Variants in NCALD observed in about 807,000 individuals in gnomAD.
The protein encoded by NCALD is neurocalcin-delta.
A neutral mutation model predicts 18.6 loss-of-function variants in NCALD; 10 were observed. The ratio of observed to expected loss-of-function variants is 0.54; its 90% CI spans 0.33 to 0.91. The LOEUF (loss-of-function observed/expected upper bound fraction) is 0.91. NCALD is among the 40% of genes least tolerant of loss of function. NCALD has a pLI of 0.03. For missense variants in NCALD, 184 were observed against 247.6 expected, an observed-to-expected ratio of 0.74 and a Z score of 1.72; for synonymous variants, 88 against 87.4, an observed-to-expected ratio of 1.01 and a Z score of -0.04.
chr8:102,039,627 C>T (rs1024742329), intron 1 of NCALD, among the ~76,000 whole-genome samples: 8 of 152,134 alleles, frequency 5.3e-5, no homozygotes, highest in African/African-American at 1.9e-4. Flanking sequence ...GAGCTCAGTC[C>T]AGTTCCTTGA....
intron 1 of NCALD, among the ~76,000 whole-genome samples, chr8:102,022,357 T>C (rs1361121591): frequency 6.6e-6 from 1 of 152,236 alleles, no homozygotes; most frequent in Non-Finnish European, 1.5e-5. Flanking sequence ...AAGAGATTTA[T>C]GTTTATTCCA....
chr8:101,905,425 C>A (rs1817579557), intron 3 of NCALD, among the ~76,000 whole-genome samples: 2 of 152,232 alleles, frequency 1.3e-5, no homozygotes, highest in African/African-American at 4.8e-5. Context: ...AGTCAGGAGG[C>A]CGACCTCAGC....
At chr8:101,704,472 G>C (rs547683943) in intron 2 of NCALD, among the ~76,000 whole-genome samples, 6 of 152,296 alleles carry the variant, frequency 3.9e-5, no homozygotes, top group Admixed American at 3.9e-4. Context: ...TGGGATGTGA[G>C]AGGCCGCGGT....
At chr8:102,121,728 A>G (rs1483961646) in intron 1 of NCALD, among the ~76,000 whole-genome samples, 2 of 152,312 alleles carry the variant, frequency 1.3e-5, no homozygotes, top group Middle Eastern at 3.4e-3. Context: ...CTTCATTGTT[A>G]GTCTGCCCCT....
At chr8:102,106,094 G>C (rs1457478249) in intron 1 of NCALD, among the ~76,000 whole-genome samples, 1 of 150,762 alleles carries the variant, frequency 6.6e-6, no homozygotes, top group Non-Finnish European at 1.5e-5. Flanking sequence ...TTTTGAGATG[G>C]AGTTTCACGC....
chr8:101,781,029 G>A (rs1043552089), intron 1 of NCALD, among the ~76,000 whole-genome samples: 6 of 152,072 alleles, frequency 3.9e-5, no homozygotes, highest in African/African-American at 1.4e-4. Context: ...GTAACAGATC[G>A]ACCTTTAAAA....
At chr8:102,088,903 T>A (rs1824831840) in intron 1 of NCALD, among the ~76,000 whole-genome samples, 1 of 152,206 alleles carries the variant, frequency 6.6e-6, no homozygotes, top group Non-Finnish European at 1.5e-5. Flanking sequence ...AGTTCTGGTG[T>A]GTAATAACTA....
intron 2 of NCALD, among the ~76,000 whole-genome samples, chr8:102,001,182 G>C (rs1461810113): frequency 1.3e-5 from 2 of 152,188 alleles, no homozygotes; most frequent in African/African-American, 2.4e-5. Context: ...AGTCCTTAAA[G>C]GACCTGATGG....
At chr8:101,774,266 T>C (rs113241957) in intron 1 of NCALD, among the ~76,000 whole-genome samples, 2,825 of 152,322 alleles carry the variant, frequency 0.019, 49 homozygotes, top group African/African-American at 0.037. Flanking sequence ...ACAAAGCCAA[T>C]GCTGTCTTGT....
intron 1 of NCALD, among the ~76,000 whole-genome samples, chr8:102,036,099 G>A (rs1822852311): frequency 6.7e-6 from 1 of 148,652 alleles, no homozygotes; most frequent in African/African-American, 2.5e-5. Flanking sequence ...AACCAGTCTG[G>A]TCAACATAAC....
intron 3 of NCALD, among the ~76,000 whole-genome samples, chr8:101,903,534 G>A (rs1394879942): frequency 6.6e-6 from 1 of 152,120 alleles, no homozygotes; most frequent in East Asian, 1.9e-4. Context: ...GTGTTGGGGC[G>A]AGAGCGAGGG....
intron 1 of NCALD, among the ~76,000 whole-genome samples, chr8:101,760,176 T>G (rs562620750): frequency 1.3e-5 from 2 of 152,198 alleles, no homozygotes; most frequent in African/African-American, 2.4e-5. Context: ...CCTCAGATAT[T>G]GACAATTTGT....
chr8:101,993,634 G>T (rs1164905812), intron 2 of NCALD, among the ~76,000 whole-genome samples: 1 of 152,128 alleles, frequency 6.6e-6, no homozygotes, highest in Non-Finnish European at 1.5e-5. Context: ...CCTCCTCTTG[G>T]TCCTCCTACT....
intron 1 of NCALD, among the ~76,000 whole-genome samples, chr8:102,064,365 G>A (rs888908663): frequency 3.9e-5 from 6 of 152,182 alleles, no homozygotes; most frequent in African/African-American, 9.7e-5. Flanking sequence ...TCAGGTACAT[G>A]CTCCTTTAAC....
intron 1 of NCALD, among the ~76,000 whole-genome samples, chr8:101,756,666 A>C (rs1024374782): frequency 2.6e-5 from 4 of 152,210 alleles, no homozygotes; most frequent in African/African-American, 9.6e-5. Context: ...CGAAGAATTA[A>C]CTAAAATAAG....
chr8:101,746,551 A>G (rs960102053), intron 1 of NCALD, among the ~76,000 whole-genome samples: 1 of 152,220 alleles, frequency 6.6e-6, no homozygotes, highest in African/African-American at 2.4e-5. Context: ...ATAGCTGCTC[A>G]TATTGATTCA....
intron 4 of NCALD, among the ~76,000 whole-genome samples, chr8:101,807,092 T>C (rs536538508): frequency 1.3e-5 from 2 of 152,160 alleles, no homozygotes; most frequent in South Asian, 4.1e-4. Flanking sequence ...AAAATAAAGA[T>C]ATTACTAGAT....
intron 1 of NCALD, among the ~76,000 whole-genome samples, chr8:102,108,349 A>C (rs534894620): frequency 6.6e-5 from 10 of 152,276 alleles, no homozygotes; most frequent in Non-Finnish European, 8.8e-5. Context: ...AAAGGAAGAG[A>C]AGTTGGGGCT....
At chr8:101,948,740 C>G (rs1489825373) in intron 2 of NCALD, among the ~76,000 whole-genome samples, 1 of 152,118 alleles carries the variant, frequency 6.6e-6, no homozygotes, top group African/African-American at 2.4e-5. Flanking sequence ...ATTTCACAAC[C>G]CCAGAGTGCA....
Sources: gnomAD v4.1 joint callset for allele counts (sites outside exome capture counted in the v4.1 genomes callset) on GRCh38, gnomAD v4.1.1 for gene constraint, MANE v1.5 for transcripts, NCBI Gene and HGNC (gene_info 2026-07-23, HGNC 2026-07-21) for gene names.